TMEM232: variants seen among roughly 807,000 people sequenced by gnomAD.
TMEM232 encodes the protein transmembrane protein 232.
TMEM232 carries 80 observed loss-of-function variants against 78.8 expected under a neutral mutation model. The ratio of observed to expected loss-of-function variants is 1.01; its 90% CI spans 0.85 to 1.22. The LOEUF (loss-of-function observed/expected upper bound fraction) is 1.22. Among genes scored for constraint, TMEM232 ranks in the 50% most tolerant of loss-of-function variants. The pLI is 0.00. For synonymous variants in TMEM232, 297 were observed against 254.3 expected (o/e 1.17, Z -1.60); for missense variants, 881 against 742.2 (o/e 1.19, Z -2.17).
intron 1 of TMEM232, among the ~76,000 whole-genome samples, chr5:110,673,723 C>T (rs190829079): frequency 3.8e-4 from 58 of 152,184 alleles, no homozygotes; most frequent in South Asian, 1.0e-3. Context: ...CTGAAGTTTT[C>T]GTGGATGGAA....
At chr5:110,733,403 T>C (rs571945587) in intron 2 of TMEM232, among the ~76,000 whole-genome samples, 12 of 152,288 alleles carry the variant, frequency 7.9e-5, no homozygotes, top group South Asian at 2.1e-4. Flanking sequence ...GGTATGTTCA[T>C]TGCACCACTA....
intron 12 of TMEM232, among the ~76,000 whole-genome samples, chr5:110,452,612 A>T (rs1201849027): frequency 6.6e-6 from 1 of 152,182 alleles, no homozygotes; most frequent in Non-Finnish European, 1.5e-5. Context: ...GATTCTTAAA[A>T]TGTGTCTAAA....
chr5:110,632,002 C>T (rs544520463), intron 5 of TMEM232, among the ~76,000 whole-genome samples: 8 of 152,014 alleles, frequency 5.3e-5, no homozygotes, highest in Admixed American at 1.3e-4. Context: ...CAAGAACAGG[C>T]ATACTCATCC....
At chr5:110,726,986 A>G (rs537477049), upstream of TMEM232, among the ~76,000 whole-genome samples, 5 of 152,300 alleles carry the variant, frequency 3.3e-5, no homozygotes, top group South Asian at 1.0e-3. Flanking sequence ...CAGCACGCCT[A>G]TCATACCAAA....
chr5:110,615,735 T>C (rs1481880932), intron 8 of TMEM232, among the ~76,000 whole-genome samples: 1 of 151,894 alleles, frequency 6.6e-6, no homozygotes, highest in Admixed American at 6.6e-5. Flanking sequence ...TAGAAAACCC[T>C]AAAATGTTTA....
intron 1 of TMEM232, among the ~76,000 whole-genome samples, chr5:110,702,362 G>C (rs756747276): frequency 1.8e-4 from 28 of 151,846 alleles, no homozygotes; most frequent in Middle Eastern, 3.2e-3. Context: ...ATACCCCCTT[G>C]TCTGAGGGCC....
At chr5:110,481,975 C>T (rs577543752) in intron 12 of TMEM232, among the ~76,000 whole-genome samples, 1 of 152,018 alleles carries the variant, frequency 6.6e-6, no homozygotes, top group South Asian at 2.1e-4. Context: ...ATAATAAGAA[C>T]CAAGATTTAT....
chr5:110,732,256 T>C (rs1298599033), intron 2 of TMEM232, among the ~76,000 whole-genome samples: 2 of 152,176 alleles, frequency 1.3e-5, no homozygotes, highest in African/African-American at 4.8e-5. Context: ...CTTTCCCATA[T>C]TTTCCTGTCT....
intron 12 of TMEM232, among the ~76,000 whole-genome samples, chr5:110,435,039 C>T (rs1405000726): frequency 1.3e-5 from 2 of 151,986 alleles, no homozygotes; most frequent in African/African-American, 2.4e-5. Flanking sequence ...AATGTCCACT[C>T]TCAGCACTCC....
At chr5:110,709,640 G>A (rs1001872805) in intron 1 of TMEM232, among the ~76,000 whole-genome samples, 7 of 152,006 alleles carry the variant, frequency 4.6e-5, no homozygotes, top group African/African-American at 7.2e-5. Context: ...TAACAAGTGG[G>A]TCAATGAAGA....
At chr5:110,624,208 A>G (rs755113625) in intron 7 of TMEM232, among the ~76,000 whole-genome samples, 1 of 152,152 alleles carries the variant, frequency 6.6e-6, no homozygotes, top group Non-Finnish European at 1.5e-5. Context: ...ATTATAGGTC[A>G]CTGTTTAGGG....
chr5:110,727,155 A>C (rs115761566), upstream of TMEM232, among the ~76,000 whole-genome samples: 1,847 of 152,314 alleles, frequency 0.012, 46 homozygotes, highest in African/African-American at 0.042. Context: ...ACACAAAAGA[A>C]CGCCTCTTTT....
chr5:110,488,639 C>G (rs576361727), intron 12 of TMEM232, among the ~76,000 whole-genome samples: 4 of 152,032 alleles, frequency 2.6e-5, no homozygotes, highest in African/African-American at 9.6e-5. Context: ...ACGACTTAAC[C>G]TTCCACCATT....
At chr5:110,697,760 A>G (rs1333142094) in intron 1 of TMEM232, among the ~76,000 whole-genome samples, 6 of 152,200 alleles carry the variant, frequency 3.9e-5, no homozygotes, top group Non-Finnish European at 7.3e-5. Flanking sequence ...ACCATCTCAC[A>G]CCAGTTAAAA....
At chr5:110,649,226 A>T (rs1311914927) in intron 2 of TMEM232, among the ~76,000 whole-genome samples, 1 of 152,118 alleles carries the variant, frequency 6.6e-6, no homozygotes, top group Non-Finnish European at 1.5e-5. Flanking sequence ...AAAATTTGGG[A>T]GAGTAAAAAC....
chr5:110,644,847 A>G (rs140892525), intron 2 of TMEM232, among the ~76,000 whole-genome samples: 3,673 of 151,654 alleles, frequency 0.024, 47 homozygotes, highest in African/African-American at 0.032. Flanking sequence ...TTGAAAAACC[A>G]TTAGCTAGAA....
At chr5:110,661,842 T>A (rs957997902) in intron 2 of TMEM232, among the ~76,000 whole-genome samples, 2 of 152,158 alleles carry the variant, frequency 1.3e-5, no homozygotes, top group Admixed American at 1.3e-4. Flanking sequence ...GCCAGTTTAG[T>A]TGGGGTGAGA....
upstream of TMEM232, among the ~76,000 whole-genome samples, chr5:110,729,566 T>TTC (rs1428356335): frequency 2.0e-5 from 3 of 152,244 alleles, no homozygotes; most frequent in African/African-American, 4.8e-5. Context: ...AGATTATATT[T>TTC]TCTCAGAACT....
intron 2 of TMEM232, among the ~76,000 whole-genome samples, chr5:110,663,184 C>A (rs921983172): frequency 6.6e-6 from 1 of 151,778 alleles, no homozygotes; most frequent in African/African-American, 2.4e-5. Context: ...TAATAAAATG[C>A]AACAGTGAAA....
Sources: gnomAD v4.1 joint callset for allele counts (sites outside exome capture counted in the v4.1 genomes callset) on GRCh38, gnomAD v4.1.1 for gene constraint, MANE v1.5 for transcripts, NCBI Gene and HGNC (gene_info 2026-07-23, HGNC 2026-07-21) for gene names.